Variants in SLC9A9 observed in about 807,000 individuals in gnomAD.
The protein encoded by SLC9A9 is sodium/hydrogen exchanger 9.
Under a neutral mutation model 77.8 loss-of-function variants are expected in SLC9A9, and 62 were observed. That is an observed-to-expected ratio of 0.80 (90% CI 0.65 to 0.98). SLC9A9 has a LOEUF of 0.98. Ranked by LOEUF, SLC9A9 falls within the 50% of genes least tolerant of loss-of-function variation. The pLI is 0.00. For missense variants in SLC9A9, 775 were observed against 774.9 expected (o/e 1.00, Z 0.00); for synonymous variants, 320 against 283.5 (o/e 1.13, Z -1.29).
At chr3:143,331,910 C>T (rs565731513) in intron 14 of SLC9A9, among the ~76,000 whole-genome samples, 10 of 152,152 alleles carry the variant, frequency 6.6e-5, no homozygotes, top group African/African-American at 2.4e-4. Context: ...CAGGAATCCT[C>T]ACAGAAAATG....
chr3:143,796,899 G>A lies in SLC9A9; in HGVS notation c.383C>T (p.Thr128Ile). ...ATTGAAGAAGATTTCTGGATCAAATGTCATCTGCCAGAAAGGAAAAAAAGG... is the reference window on the plus strand; with the variant it reads ...ATTGAAGAAGATTTCTGGATCAAATATCATCTGCCAGAAAGGAAAAAAAGG... ...HQGNAILEKM[T>I]FDPEIFFNVL... The change falls in exon 3 of 16, where the codon ACA becomes ATA. Residue 128 changes from threonine (T) to isoleucine (I), a missense_variant. By Grantham distance (89) the Thr-to-Ile change is moderately conservative (BLOSUM62 -1). Transcript: ENST00000316549. The A allele has an allele frequency of 6.2e-7, 1 of 1,611,326 alleles. No homozygotes were observed. The highest frequency in any genetic ancestry group is 1.1e-5 in the South Asian group (1 of 90,908).
At chr3:143,740,367 T>C (rs1447152268) in intron 4 of SLC9A9, among the ~76,000 whole-genome samples, 1 of 152,218 alleles carries the variant, frequency 6.6e-6, no homozygotes, top group Non-Finnish European at 1.5e-5. Flanking sequence ...AAATGGATCC[T>C]GTGCATAAAT....
At chr3:143,437,572 C>T (rs1319007684) in intron 12 of SLC9A9, among the ~76,000 whole-genome samples, 2 of 152,228 alleles carry the variant, frequency 1.3e-5, no homozygotes, top group South Asian at 2.1e-4. Context: ...ACTAGAAGAA[C>T]GTTAGAGGCC....
rs577287529 is a variant in SLC9A9, at chr3:143,845,068, T to C, written c.175+3080A>G. Among the ~76,000 whole-genome samples the C allele has an allele frequency of 3.9e-5, 6 of 152,196 alleles. No individual in the cohort carries two copies. The South Asian group carries it at 1.2e-3, about 32-fold the overall frequency. ...TTAACCATATGAGGATGCATCTAGA[T>C]CCCACAGACACATCCTTTCTCCAGG... On this transcript the variant is annotated intron_variant, in intron 1 of 15. Coordinates refer to ENST00000316549, the MANE Select transcript of SLC9A9 (RefSeq NM_173653.4).
intron 1 of SLC9A9, among the ~76,000 whole-genome samples, chr3:143,847,041 G>C (rs2108902774): frequency 6.6e-6 from 1 of 152,232 alleles, no homozygotes; most frequent in Non-Finnish European, 1.5e-5. Flanking sequence ...CTCACAGTGG[G>C]ATCCACTTAA....
intron 12 of SLC9A9, among the ~76,000 whole-genome samples, chr3:143,424,835 T>C (rs1403796763): frequency 1.3e-5 from 2 of 152,186 alleles, no homozygotes; most frequent in East Asian, 3.8e-4. Flanking sequence ...TTATTAGCTA[T>C]ATGAAACTAG....
Position 143,504,003 on chromosome 3 carries a change from A to G in SLC9A9, c.1090-8555T>C, listed in dbSNP as rs957011756. The G allele has an allele frequency of 2.0e-5, 9 of 446,314 alleles. No homozygotes were observed. The East Asian group carries it at 5.3e-4, about 26-fold the overall frequency. 27.6% of individuals were successfully genotyped at this position (446,314 alleles called of 1,614,324 possible). ...TGAACTCCACAACATAATCAGTGCC[A>G]GCATCGCCCCATTTGACTGGGGTAG... On this transcript the variant is annotated intron_variant, in intron 9 of 15. Coordinates refer to ENST00000316549, the MANE Select transcript of SLC9A9 (RefSeq NM_173653.4).
intron 9 of SLC9A9, among the ~76,000 whole-genome samples, chr3:143,507,018 C>T (rs895686770): frequency 4.0e-5 from 6 of 151,820 alleles, no homozygotes; most frequent in Non-Finnish European, 7.4e-5. Flanking sequence ...AGTCCCTTTT[C>T]TTTAACTTTT....
chr3:143,271,352 C>T (rs73867301), intron 14 of SLC9A9, among the ~76,000 whole-genome samples: 3,342 of 152,280 alleles, frequency 0.022, 143 homozygotes, highest in African/African-American at 0.075. Context: ...AAATGCCAGC[C>T]CTGCCACTTT....
intron 4 of SLC9A9, among the ~76,000 whole-genome samples, chr3:143,696,242 C>T (rs58614174): frequency 0.43 from 65,005 of 151,990 alleles, 14,094 homozygotes; most frequent in South Asian, 0.6. Flanking sequence ...CTGAATGGTA[C>T]TGCCTAGGTT....
intron 14 of SLC9A9, among the ~76,000 whole-genome samples, chr3:143,310,993 C>CAA (rs947945542): frequency 5.3e-5 from 8 of 152,200 alleles, no homozygotes; most frequent in Admixed American, 1.3e-4. Context: ...CCAGAAAGGT[C>CAA]AAGTTACCCA....
chr3:143,562,551 ACT>A (rs1461141563), intron 8 of SLC9A9, among the ~76,000 whole-genome samples: 1 of 151,522 alleles, frequency 6.6e-6, no homozygotes, highest in Non-Finnish European at 1.5e-5. Flanking sequence ...CAACTAATAA[ACT>A]CTATGCTTAA....
chr3:143,621,865 GA>G (rs1201859098), intron 6 of SLC9A9, among the ~76,000 whole-genome samples: 3 of 151,830 alleles, frequency 2.0e-5, no homozygotes, highest in Admixed American at 6.6e-5. Flanking sequence ...TAAAAACCTT[GA>G]AAAAAAATTA....
At chr3:143,665,012 C>T (rs1432227401) in intron 5 of SLC9A9, among the ~76,000 whole-genome samples, 5 of 152,142 alleles carry the variant, frequency 3.3e-5, no homozygotes, top group East Asian at 1.9e-4. Context: ...AACTCTCCAC[C>T]CCAAATCAAC....
intron 4 of SLC9A9, among the ~76,000 whole-genome samples, chr3:143,711,685 A>G (rs1934200490): frequency 6.6e-6 from 1 of 151,580 alleles, no homozygotes; most frequent in African/African-American, 2.4e-5. Context: ...CTGGCCTCCC[A>G]AAGTGCTGGG....
chr3:143,299,631 G>A (rs2030432920), intron 14 of SLC9A9, among the ~76,000 whole-genome samples: 1 of 152,150 alleles, frequency 6.6e-6, no homozygotes, highest in Admixed American at 6.5e-5. Context: ...TTTTAGTAGA[G>A]ATGGGGTTTC....
chr3:143,726,195 C>G (rs1438929298), intron 4 of SLC9A9, among the ~76,000 whole-genome samples: 1 of 148,932 alleles, frequency 6.7e-6, no homozygotes, highest in African/African-American at 2.5e-5. Flanking sequence ...TGTAACAAAC[C>G]TGCACATCCT....
chr3:143,269,961 C>A (rs1937853016), intron 14 of SLC9A9, among the ~76,000 whole-genome samples: 2 of 152,190 alleles, frequency 1.3e-5, no homozygotes, highest in Non-Finnish European at 2.9e-5. Flanking sequence ...TCTCATGATA[C>A]CCTGAGCATG....
intron 5 of SLC9A9, among the ~76,000 whole-genome samples, chr3:143,681,519 T>C (rs1226818456): frequency 6.6e-6 from 1 of 152,250 alleles, no homozygotes; most frequent in Admixed American, 6.5e-5. Context: ...AAATATTTAC[T>C]GATAGTCTCC....
Sources: allele counts gnomAD v4.1 joint callset (sites outside exome capture counted in the v4.1 genomes callset), GRCh38; gene constraint gnomAD v4.1.1; transcripts MANE v1.5; gene names NCBI Gene and HGNC (gene_info 2026-07-23, HGNC 2026-07-21).